CNTNAP5: variants seen among roughly 807,000 people sequenced by gnomAD.
The protein encoded by CNTNAP5 is contactin-associated protein-like 5.
In CNTNAP5, 72 loss-of-function variants were observed where a neutral mutation model predicts 150.2. The observed-to-expected ratio is 0.48, with a 90% CI of 0.40 to 0.58. The LOEUF (loss-of-function observed/expected upper bound fraction) is 0.58. CNTNAP5 is among the 20% of genes least tolerant of loss of function. The probability of loss-of-function intolerance (pLI) is 0.00; values close to 1 mark genes in which losing one functional copy is unlikely to be tolerated. For synonymous variants in CNTNAP5, 672 were observed against 619.8 expected (o/e 1.08, Z -1.25); for missense variants, 1,636 against 1,626.2 (o/e 1.01, Z -0.10).
chr2:124,419,078 G>A (rs1171039631), intron 4 of CNTNAP5, among the ~76,000 whole-genome samples: 2 of 133,990 alleles, frequency 1.5e-5, no homozygotes, highest in Non-Finnish European at 3.1e-5. Context: ...AGCTTGCAGT[G>A]AGCCGAGATT....
chr2:124,198,059 C>G (rs997800852), intron 1 of CNTNAP5, among the ~76,000 whole-genome samples: 7 of 151,810 alleles, frequency 4.6e-5, no homozygotes. Context: ...CTCATCAAAA[C>G]TTCATATTGA....
At chr2:124,572,981 C>T (rs1696201551) in intron 11 of CNTNAP5, among the ~76,000 whole-genome samples, 1 of 152,180 alleles carries the variant, frequency 6.6e-6, no homozygotes, top group Non-Finnish European at 1.5e-5. Flanking sequence ...CTTTTCTATG[C>T]ATTTCTCCTT....
chr2:124,136,000 G>A (rs1309294716), intron 1 of CNTNAP5, among the ~76,000 whole-genome samples: 1 of 152,168 alleles, frequency 6.6e-6, no homozygotes, highest in African/African-American at 2.4e-5. Context: ...AAATCTAGGT[G>A]AACTGTCTAA....
intron 21 of CNTNAP5, among the ~76,000 whole-genome samples, chr2:124,887,920 A>AT (rs376585354): frequency 2.6e-5 from 4 of 151,966 alleles, no homozygotes; most frequent in East Asian, 3.9e-4. Flanking sequence ...GTCATCAATG[A>AT]TTTTTTTTAA....
chr2:124,891,528 T>C (rs1321472010), intron 21 of CNTNAP5, among the ~76,000 whole-genome samples: 1 of 152,070 alleles, frequency 6.6e-6, no homozygotes, highest in African/African-American at 2.4e-5. Context: ...CCCCATTTTA[T>C]AAATAAGAAA....
At chr2:124,083,867 A>T (rs2104677841) in intron 1 of CNTNAP5, among the ~76,000 whole-genome samples, 1 of 152,102 alleles carries the variant, frequency 6.6e-6, no homozygotes, top group African/African-American at 2.4e-5. Context: ...TTAAAATAAT[A>T]GTAATATAAC....
intron 1 of CNTNAP5, among the ~76,000 whole-genome samples, chr2:124,059,621 A>T (rs1198145686): frequency 3.3e-5 from 5 of 150,750 alleles, no homozygotes; most frequent in African/African-American, 9.7e-5. Flanking sequence ...TTTTTTTTTT[A>T]AATTGATTTT....
intron 13 of CNTNAP5, among the ~76,000 whole-genome samples, chr2:124,716,950 T>C (rs534758387): frequency 6.6e-6 from 1 of 152,320 alleles, no homozygotes; most frequent in East Asian, 1.9e-4. Flanking sequence ...TTTGCCTAAT[T>C]TCTTCCCATT....
intron 14 of CNTNAP5, among the ~76,000 whole-genome samples, chr2:124,761,944 G>A (rs1260200290): frequency 6.6e-6 from 1 of 152,010 alleles, no homozygotes; most frequent in Admixed American, 6.6e-5. Flanking sequence ...TGGCATTGAT[G>A]GGCAGACTTT....
chr2:124,236,556 G>A (rs984322263), intron 2 of CNTNAP5, among the ~76,000 whole-genome samples: 7 of 152,128 alleles, frequency 4.6e-5, no homozygotes, highest in Admixed American at 6.6e-5. Context: ...CATAATGTTC[G>A]ATATTTATGG....
chr2:124,614,458 AT>A (rs1470340164), intron 12 of CNTNAP5, among the ~76,000 whole-genome samples: 1 of 152,118 alleles, frequency 6.6e-6, no homozygotes, highest in Non-Finnish European at 1.5e-5. Flanking sequence ...CTGGTTGGCC[AT>A]TTTTATGGTT....
intron 13 of CNTNAP5, among the ~76,000 whole-genome samples, chr2:124,664,333 A>C (rs1010177554): frequency 6.6e-6 from 1 of 151,772 alleles, no homozygotes; most frequent in African/African-American, 2.4e-5. Flanking sequence ...AAGAAAAAAA[A>C]AAAAAAAAAA....
At chr2:124,458,882 C>A (rs1469015040) in intron 6 of CNTNAP5, among the ~76,000 whole-genome samples, 1 of 152,098 alleles carries the variant, frequency 6.6e-6, no homozygotes, top group African/African-American at 2.4e-5. Context: ...ATATTTTCAA[C>A]TTATATTGTA....
intron 19 of CNTNAP5, among the ~76,000 whole-genome samples, chr2:124,808,604 C>T (rs1228573254): frequency 6.7e-6 from 1 of 149,410 alleles, no homozygotes; most frequent in Non-Finnish European, 1.5e-5. Context: ...AAAAAAAAGA[C>T]AAAGCAATCA....
chr2:124,546,392 G>A (rs1486839790), intron 10 of CNTNAP5, among the ~76,000 whole-genome samples: 4 of 152,050 alleles, frequency 2.6e-5, no homozygotes, highest in South Asian at 4.1e-4. Flanking sequence ...GTGCAAGTGT[G>A]CATCCTCATG....
intron 12 of CNTNAP5, among the ~76,000 whole-genome samples, chr2:124,617,999 A>C (rs1677525841): frequency 1.3e-5 from 2 of 152,172 alleles, no homozygotes; most frequent in South Asian, 4.1e-4. Flanking sequence ...TAGAACCTGC[A>C]TGTTTTTAGG....
chr2:124,540,684 A>G (rs923318436), intron 10 of CNTNAP5, among the ~76,000 whole-genome samples: 1 of 151,834 alleles, frequency 6.6e-6, no homozygotes, highest in African/African-American at 2.4e-5. Flanking sequence ...TGAATCATTC[A>G]TTCATTCATT....
intron 3 of CNTNAP5, among the ~76,000 whole-genome samples, chr2:124,293,533 A>T (rs1398337825): frequency 2.6e-5 from 4 of 152,238 alleles, no homozygotes; most frequent in African/African-American, 7.2e-5. Flanking sequence ...AGCACTTTGT[A>T]GTAACATAAT....
intron 3 of CNTNAP5, among the ~76,000 whole-genome samples, chr2:124,359,272 T>G (rs1427623467): frequency 6.6e-6 from 1 of 151,102 alleles, no homozygotes; most frequent in Non-Finnish European, 1.5e-5. Flanking sequence ...GATTCATTGA[T>G]TTTTTGAAGG....
Sources: gnomAD v4.1 joint callset for allele counts (sites outside exome capture counted in the v4.1 genomes callset) on GRCh38, gnomAD v4.1.1 for gene constraint, MANE v1.5 for transcripts, NCBI Gene and HGNC (gene_info 2026-07-23, HGNC 2026-07-21) for gene names.